Variants in FRMD4A observed in about 807,000 individuals in gnomAD.
FRMD4A encodes the protein FERM domain-containing protein 4A.
A neutral mutation model predicts 129.1 loss-of-function variants in FRMD4A; 29 were observed. The observed-to-expected ratio is 0.22, with a 90% CI of 0.17 to 0.31. FRMD4A has a LOEUF of 0.31. Ranked by LOEUF, FRMD4A falls within the 10% of genes least tolerant of loss-of-function variation. The pLI is 1.00. For synonymous variants in FRMD4A, 634 were observed against 571.6 expected (o/e 1.11, Z -1.56); for missense variants, 1,272 against 1,375.8 (o/e 0.92, Z 1.19).
intron 2 of FRMD4A, among the ~76,000 whole-genome samples, chr10:13,999,636 G>A (rs1355910623): frequency 6.6e-6 from 1 of 152,212 alleles, no homozygotes; most frequent in African/African-American, 2.4e-5. Flanking sequence ...AGAAAAGTTA[G>A]CAAGTAATGT....
At chr10:14,306,985 C>T (rs1160256430) in intron 2 of FRMD4A, among the ~76,000 whole-genome samples, 14 of 152,092 alleles carry the variant, frequency 9.2e-5, no homozygotes, top group Admixed American at 4.6e-4. Context: ...CCAATAAGAC[C>T]ACACTCCTAC....
rs148761444 is a variant in FRMD4A at position 14,294,716 on chromosome 10, C to T, written c.45+35342G>A. ...TAATGGCATAGAAAGGTCACTAAAG[C>T]CTAAATCCGCTCAGCAAGATTCGCT... is the stretch of plus-strand genomic sequence containing the variant. On this transcript the variant is annotated intron_variant, in intron 2 of 24. Transcript: ENST00000357447. Among the ~76,000 whole-genome samples the T allele has an allele frequency of 5.8e-4, 88 of 152,304 alleles. 3 individuals carry two copies. In the East Asian group the frequency reaches 0.014, roughly 24 times the overall value.
intron 2 of FRMD4A, among the ~76,000 whole-genome samples, chr10:14,183,170 C>T (rs1006313585): frequency 2.0e-5 from 3 of 152,200 alleles, no homozygotes; most frequent in East Asian, 1.9e-4. Flanking sequence ...TGGTCTTAGA[C>T]TCGATTTTTC....
At chr10:14,225,273 C>T (rs1457491732) in intron 2 of FRMD4A, among the ~76,000 whole-genome samples, 1 of 152,020 alleles carries the variant, frequency 6.6e-6, no homozygotes, top group Non-Finnish European at 1.5e-5. Context: ...CATCCCCAAC[C>T]CTCAATCCCA....
intron 2 of FRMD4A, among the ~76,000 whole-genome samples, chr10:14,295,071 GA>G (rs756131186): frequency 1.3e-5 from 2 of 152,116 alleles, no homozygotes; most frequent in Non-Finnish European, 2.9e-5. Context: ...AATTCCAAAG[GA>G]TGTCAGCCTG....
rs184212713 is a variant in FRMD4A, at chr10:13,704,566, A to C, written c.836+2471T>G. On this transcript the variant is annotated intron_variant, in intron 13 of 24. Coordinates refer to ENST00000357447, the MANE Select transcript of FRMD4A (RefSeq NM_018027.5). The stretch of plus-strand genomic sequence containing the variant: ...CAACTCAGACCTCTCCTTCCTGGTA[A>C]GCCTCTCCCTTCCTGACCAGCCAGG... Among the ~76,000 whole-genome samples the C allele has an allele frequency of 4.4e-3, 666 of 152,118 alleles. 13 individuals are homozygous for C. The highest frequency in any genetic ancestry group is 0.04 in the Admixed American group (614 of 15,254).
intron 12 of FRMD4A, chr10:13,710,603 C>T (rs2087922253): frequency 6.6e-6 from 1 of 152,234 alleles, no homozygotes; most frequent in Non-Finnish European, 1.5e-5. Context: ...CCCCCTGATG[C>T]TTGCTTTAAG....
chr10:13,700,862 C>A (rs1180992299), intron 14 of FRMD4A, among the ~76,000 whole-genome samples: 1 of 9,896 alleles, frequency 1.0e-4, no homozygotes. Context: ...TCCAGTTTTG[C>A]ATTAAAAAAA....
intron 3 of FRMD4A, among the ~76,000 whole-genome samples, chr10:13,812,995 A>T (rs1218944588): frequency 2.0e-5 from 3 of 152,236 alleles, no homozygotes; most frequent in African/African-American, 7.2e-5. Flanking sequence ...ACGAAGTAGA[A>T]TGCAAGATGG....
chr10:13,652,096 C>A, intron 23 of FRMD4A, 122 bp from the exon 24 acceptor site: 1 of 715,716 alleles, frequency 1.4e-6, no homozygotes, highest in Admixed American at 2.0e-5. Context: ...GATTAGACAC[C>A]TGAGTTAGCA....
Position 13,885,909 on chromosome 10 carries a change from T to TTCTCTC in FRMD4A, c.46-27003_46-26998dup, listed in dbSNP as rs139291183. Among the ~76,000 whole-genome samples, 280 of 149,950 alleles carry TTCTCTC rather than the reference T, an allele frequency of 1.9e-3. 1 individual carries two copies. The highest frequency in any genetic ancestry group is 6.2e-3 in the African/African-American group (254 of 41,062). ...GTCCTCATCACCCTCCCATCTCTCC[T>TTCTCTC]TCTCTCTCTCTCTCTCTCTGGGCAA... On this transcript the variant is annotated intron_variant, in intron 2 of 24. Coordinates refer to ENST00000357447, the MANE Select transcript of FRMD4A (RefSeq NM_018027.5).
At chr10:14,176,291 C>T (rs964286818) in intron 2 of FRMD4A, among the ~76,000 whole-genome samples, 1 of 152,054 alleles carries the variant, frequency 6.6e-6, no homozygotes, top group Admixed American at 6.6e-5. Flanking sequence ...ACCAACCTCT[C>T]CCCATGTTTT....
chr10:13,878,360 T>C (rs1175941670), intron 2 of FRMD4A, among the ~76,000 whole-genome samples: 3 of 152,164 alleles, frequency 2.0e-5, no homozygotes, highest in Non-Finnish European at 2.9e-5. Flanking sequence ...TGCACTTTCC[T>C]GGTTTAACCA....
intron 2 of FRMD4A, among the ~76,000 whole-genome samples, chr10:14,156,632 G>A (rs1474173616): frequency 1.3e-5 from 2 of 152,156 alleles, no homozygotes; most frequent in Non-Finnish European, 2.9e-5. Flanking sequence ...AAGCTACAAA[G>A]AGATCTACGT....
chr10:13,758,462 T>G (rs1445976256), intron 8 of FRMD4A, among the ~76,000 whole-genome samples: 1 of 152,240 alleles, frequency 6.6e-6, no homozygotes, highest in Non-Finnish European at 1.5e-5. Context: ...AAACTGAGGT[T>G]ATATAGTCAT....
At chr10:13,867,996 G>A (rs888430816) in intron 2 of FRMD4A, among the ~76,000 whole-genome samples, 2 of 147,828 alleles carry the variant, frequency 1.4e-5, no homozygotes, top group Non-Finnish European at 3.0e-5. Flanking sequence ...GCTCACCCCT[G>A]TAATCCCAGC....
intron 2 of FRMD4A, among the ~76,000 whole-genome samples, chr10:14,237,037 ATTTTTATAAT>A (rs1404638916): frequency 6.8e-6 from 1 of 147,876 alleles, no homozygotes; most frequent in Non-Finnish European, 1.5e-5. Flanking sequence ...TTTTTAAAAC[ATTTTTATAAT>A]TTTTTGATAG....
intron 2 of FRMD4A, among the ~76,000 whole-genome samples, chr10:13,996,561 CAG>C (rs1455015446): frequency 6.6e-6 from 1 of 152,172 alleles, no homozygotes; most frequent in Non-Finnish European, 1.5e-5. Flanking sequence ...TTTCATGTGT[CAG>C]GGGTACCATC....
intron 2 of FRMD4A, among the ~76,000 whole-genome samples, chr10:13,969,545 T>G (rs905108960): frequency 1.3e-5 from 2 of 152,182 alleles, no homozygotes; most frequent in Non-Finnish European, 1.5e-5. Context: ...CCCACCCTGC[T>G]TAGTTGATTT....
Sources: gnomAD v4.1 joint callset for allele counts (sites outside exome capture counted in the v4.1 genomes callset) on GRCh38, gnomAD v4.1.1 for gene constraint, MANE v1.5 for transcripts, NCBI Gene and HGNC (gene_info 2026-07-23, HGNC 2026-07-21) for gene names.